Variants in KCNIP4 observed in about 807,000 individuals in gnomAD.
The protein encoded by KCNIP4 is potassium voltage-gated channel interacting protein 4, also known as Kv channel-interacting protein 4.
KCNIP4 carries 12 observed loss-of-function variants against 34.0 expected under a neutral mutation model. The observed-to-expected ratio is 0.35, with a 90% CI of 0.23 to 0.57. The LOEUF (loss-of-function observed/expected upper bound fraction) is 0.57, where lower values mean the gene tolerates loss of function less well. Ranked by LOEUF, KCNIP4 falls within the 20% of genes least tolerant of loss-of-function variation. KCNIP4 has a pLI of 0.83. For synonymous variants in KCNIP4, 124 were observed against 102.2 expected, an observed-to-expected ratio of 1.21 and a Z score of -1.29; for missense variants, 238 against 311.7, an observed-to-expected ratio of 0.76 and a Z score of 1.78.
chr4:21,508,870 C>T (rs1173682100), intron 1 of KCNIP4, among the ~76,000 whole-genome samples: 3 of 149,564 alleles, frequency 2.0e-5, no homozygotes, highest in African/African-American at 5.0e-5. Flanking sequence ...TATAAAAACA[C>T]ATTAACTCAC....
At chr4:20,735,535 T>G (rs1299679180) in intron 5 of KCNIP4, among the ~76,000 whole-genome samples, 13 of 145,730 alleles carry the variant, frequency 8.9e-5, no homozygotes, top group Non-Finnish European at 9.0e-5. Flanking sequence ...TTTTTGTTTT[T>G]TTTTTTTTTT....
chr4:21,411,205 G>C (rs1724465327), intron 1 of KCNIP4, among the ~76,000 whole-genome samples: 1 of 152,102 alleles, frequency 6.6e-6, no homozygotes, highest in African/African-American at 2.4e-5. Flanking sequence ...CTGGAAAAGG[G>C]GCAAAGAGTT....
chr4:21,447,223 A>T (rs894323354), intron 1 of KCNIP4, among the ~76,000 whole-genome samples: 3 of 152,122 alleles, frequency 2.0e-5, no homozygotes, highest in African/African-American at 7.2e-5. Context: ...GGCCATGTGA[A>T]GGTGGAGCAG....
At chr4:21,328,440 C>T (rs375723556) in intron 1 of KCNIP4, among the ~76,000 whole-genome samples, 5 of 152,152 alleles carry the variant, frequency 3.3e-5, no homozygotes, top group Admixed American at 6.6e-5. Context: ...TCTTTGTGTG[C>T]TGAGGTGCCT....
chr4:21,823,410 T>A (rs529137748), intron 1 of KCNIP4, among the ~76,000 whole-genome samples: 137 of 151,918 alleles, frequency 9.0e-4, no homozygotes, highest in South Asian at 4.8e-3. Flanking sequence ...TATTCAATTT[T>A]AAAAAAATAA....
At chr4:21,911,501 C>T (rs974715533) in intron 1 of KCNIP4, among the ~76,000 whole-genome samples, 51 of 128,848 alleles carry the variant, frequency 4.0e-4, no homozygotes, top group South Asian at 1.6e-3. Context: ...TCCTGAGAGG[C>T]GCTTGACTTT....
intron 1 of KCNIP4, among the ~76,000 whole-genome samples, chr4:21,632,227 G>A (rs1203685254): frequency 2.0e-5 from 3 of 151,942 alleles, no homozygotes; most frequent in African/African-American, 7.3e-5. Flanking sequence ...ATAGTCTTTT[G>A]TCAGAGACAG....
At chr4:21,697,316 T>TA (rs537856921) in intron 1 of KCNIP4, 20,418 of 1,217,244 alleles carry the variant, frequency 0.017, 362 homozygotes, top group African/African-American at 0.12. Flanking sequence ...TAGCCTCTAC[T>TA]AAAAAAAAAA....
At chr4:21,556,931 A>AAAAAAAAAAAAAAAAAAAAAAC (rs1560514270) in intron 1 of KCNIP4, among the ~76,000 whole-genome samples, 3 of 134,190 alleles carry the variant, frequency 2.2e-5, no homozygotes, top group African/African-American at 5.6e-5. Flanking sequence ...AGAAAAAAAA[A>AAAAAAAAAAAAAAAAAAAAAAC]AAAAAAAAAA....
intron 3 of KCNIP4, among the ~76,000 whole-genome samples, chr4:20,790,600 A>G (rs1712619032): frequency 6.6e-6 from 1 of 151,886 alleles, no homozygotes; most frequent in African/African-American, 2.4e-5. Context: ...AAACCATAAC[A>G]TAAACACCCT....
intron 1 of KCNIP4, among the ~76,000 whole-genome samples, chr4:20,925,877 T>G (rs1473175515): frequency 6.6e-6 from 1 of 152,046 alleles, no homozygotes; most frequent in Non-Finnish European, 1.5e-5. Context: ...TCTTTCCGAG[T>G]GGAGTCACAT....
At chr4:21,873,227 A>G (rs536003874) in intron 1 of KCNIP4, among the ~76,000 whole-genome samples, 90 of 152,362 alleles carry the variant, frequency 5.9e-4, no homozygotes, top group Non-Finnish European at 1.0e-3. Flanking sequence ...AAGGTGATAT[A>G]TACTTGAAAC....
In KCNIP4 at chr4:21,370,327, T is replaced by C. The variant is rs562997160; in HGVS notation, c.62-487618A>G. Among the ~76,000 whole-genome samples, 6 of 146,896 alleles carry C rather than the reference T, an allele frequency of 4.1e-5. 1 individual carries two copies. Among genetic ancestry groups the C allele is most frequent in the African/African-American group, 1.6e-4 (6 of 36,640 alleles). ...TGATTCAGTGTTCATTCAAAAATTG[T>C]TTATTGAGGGTCCATTACATGTCAG... On this transcript the variant is annotated intron_variant, in intron 1 of 8. Transcript: ENST00000382152.
chr4:21,466,757 G>C lies in KCNIP4; in HGVS notation c.61+481814C>G, dbSNP rs529313562. On this transcript the variant is annotated intron_variant, in intron 1 of 8. Transcript: ENST00000382152. ...TAATGGGGCTGTCATGTAATATATAGAAAATCAACATACTTTAGAGTTGGC... is the reference window on the plus strand; with the variant it reads ...TAATGGGGCTGTCATGTAATATATACAAAATCAACATACTTTAGAGTTGGC... Among the ~76,000 whole-genome samples, 2 of 152,142 alleles carry C rather than the reference G, an allele frequency of 1.3e-5. 1 individual carries two copies. The highest frequency in any genetic ancestry group is 4.1e-4 in the South Asian group (2 of 4,822).
chr4:21,293,358 G>A (rs552137491), intron 1 of KCNIP4, among the ~76,000 whole-genome samples: 3 of 152,158 alleles, frequency 2.0e-5, no homozygotes, highest in Admixed American at 6.5e-5. Flanking sequence ...TTTTTAAATG[G>A]TAAAGTCCAT....
intron 1 of KCNIP4, among the ~76,000 whole-genome samples, chr4:21,092,023 T>A (rs57508633): frequency 7.2e-5 from 11 of 152,282 alleles, no homozygotes; most frequent in African/African-American, 2.4e-4. Flanking sequence ...AGTTAGTAAA[T>A]GGCAGCACCA....
intron 1 of KCNIP4, among the ~76,000 whole-genome samples, chr4:21,536,753 C>A (rs1737207777): frequency 6.6e-6 from 1 of 151,754 alleles, no homozygotes; most frequent in Non-Finnish European, 1.5e-5. Context: ...TGCACTCCAG[C>A]CTGGCTGACA....
rs1461709054 is a variant in KCNIP4 at position 20,850,616 on chromosome 4, G to A, written c.215C>T (p.Ala72Val). Residue 72 changes from alanine to valine, a missense_variant, in exon 3 of 9, where the codon GCC (alanine) becomes GTC (valine). Physicochemically the swap from Ala to Val is moderately conservative, Grantham distance 64. Coordinates refer to ENST00000382152, the MANE Select transcript of KCNIP4 (RefSeq NM_025221.6). ...GCTCTGGGCTTCCAGAAGCTCAAGG[G>A]CTTCAGGCCGATGCCTGACGGTGGC... Reference protein sequence around the residue: ...EMATVRHRPEALELLEAQSKF... With the variant: ...EMATVRHRPEVLELLEAQSKF... 1.2e-6 allele frequency: 2 copies of A among 1,612,786 alleles called. No individual in the cohort carries two copies. Among genetic ancestry groups the A allele is most frequent in the Non-Finnish European group, 1.7e-6 (2 of 1,179,688 alleles).
At chr4:20,791,429 T>G (rs1293020774) in intron 3 of KCNIP4, among the ~76,000 whole-genome samples, 1 of 152,120 alleles carries the variant, frequency 6.6e-6, no homozygotes, top group East Asian at 1.9e-4. Flanking sequence ...CCTTAAGAGA[T>G]AACCAATTAT....
Sources: allele counts gnomAD v4.1 joint callset (sites outside exome capture counted in the v4.1 genomes callset), GRCh38; gene constraint gnomAD v4.1.1; transcripts MANE v1.5; gene names NCBI Gene and HGNC (gene_info 2026-07-23, HGNC 2026-07-21).